Variants in SV2C observed in about 807,000 individuals in gnomAD.
The protein encoded by SV2C is synaptic vesicle glycoprotein 2C, also known as solute carrier family 22 member B3.
Under a neutral mutation model 79.7 loss-of-function variants are expected in SV2C, and 49 were observed. That is an observed-to-expected ratio of 0.61 (90% confidence interval 0.49 to 0.78). The LOEUF (loss-of-function observed/expected upper bound fraction) is 0.78, where lower values mean the gene tolerates loss of function less well. Among genes scored for constraint, SV2C ranks in the 30% least tolerant of loss-of-function variants. The probability of loss-of-function intolerance (pLI) is 0.00; values close to 1 mark genes in which losing one functional copy is unlikely to be tolerated. For missense variants in SV2C, 833 were observed against 912.9 expected (o/e 0.91, Z 1.13); for synonymous variants, 334 against 333.2 (o/e 1.00, Z -0.03).
the SV2C span, among the ~76,000 whole-genome samples, chr5:76,067,378 T>C: frequency 1.3e-5 from 2 of 152,088 alleles, no homozygotes; most frequent in South Asian, 4.1e-4. Context: ...AAAAGTCTCT[T>C]TGTTATTTAG....
chr5:76,243,975 C>T (rs6865677), intron 4 of SV2C, among the ~76,000 whole-genome samples: 48,855 of 152,082 alleles, frequency 0.32, 8,267 homozygotes, highest in Non-Finnish European at 0.37. Flanking sequence ...CCACAGGGAC[C>T]GCCCTCTCTC....
chr5:76,102,015 A>G (rs1252045316), intron 1 of SV2C, among the ~76,000 whole-genome samples: 6 of 152,170 alleles, frequency 3.9e-5, no homozygotes, highest in African/African-American at 1.4e-4. Context: ...ACTTGGAATA[A>G]TATAACAACT....
intron 2 of SV2C, among the ~76,000 whole-genome samples, chr5:76,187,700 G>A (rs1377375098): frequency 1.3e-5 from 2 of 151,408 alleles, no homozygotes; most frequent in African/African-American, 4.9e-5. Flanking sequence ...AAAAAGTGAG[G>A]GATCAGTTTT....
the SV2C span, among the ~76,000 whole-genome samples, chr5:75,916,409 C>T: frequency 2.0e-4 from 28 of 143,462 alleles, no homozygotes; most frequent in East Asian, 1.1e-3. Context: ...TCCTCCTCCT[C>T]CTCCTCCACC....
At chr5:76,154,094 G>A (rs1742651718) in intron 2 of SV2C, among the ~76,000 whole-genome samples, 1 of 152,110 alleles carries the variant, frequency 6.6e-6, no homozygotes, top group African/African-American at 2.4e-5. Flanking sequence ...TGTCAGGATT[G>A]GTGACAATGT....
chr5:76,301,872 G>GCACTC (rs1157580886), intron 12 of SV2C, among the ~76,000 whole-genome samples: 2 of 125,214 alleles, frequency 1.6e-5, no homozygotes, highest in African/African-American at 6.2e-5. Flanking sequence ...TCACACCACT[G>GCACTC]CACTCCAGCC....
chr5:76,165,116 CTGTG>C (rs576831855), intron 2 of SV2C, among the ~76,000 whole-genome samples: 2 of 150,314 alleles, frequency 1.3e-5, no homozygotes, highest in African/African-American at 4.9e-5. Context: ...CAAGTCTTGA[CTGTG>C]TGTGTGTGTC....
At chr5:76,307,001 T>G (rs1312370141) in intron 12 of SV2C, among the ~76,000 whole-genome samples, 1 of 152,168 alleles carries the variant, frequency 6.6e-6, no homozygotes, top group Non-Finnish European at 1.5e-5. Context: ...TCTACAGTCT[T>G]AAGTATTTTT....
chr5:75,902,334 T>C, the SV2C span, among the ~76,000 whole-genome samples: 1 of 152,158 alleles, frequency 6.6e-6, no homozygotes, highest in South Asian at 2.1e-4. Context: ...TAGGAAATCT[T>C]ATGTCCCTGT....
the SV2C span, among the ~76,000 whole-genome samples, chr5:75,906,691 G>A: frequency 6.6e-6 from 1 of 152,114 alleles, no homozygotes; most frequent in Admixed American, 6.6e-5. Flanking sequence ...AACTTCTCTT[G>A]TTGCAGATGG....
At chr5:75,866,267 TAGTC>T in the SV2C span, among the ~76,000 whole-genome samples, 1 of 148,886 alleles carries the variant, frequency 6.7e-6, no homozygotes, top group Admixed American at 6.6e-5. Flanking sequence ...GCTAAACAGG[TAGTC>T]AGTATTATGT....
At chr5:75,952,787 C>A in the SV2C span, among the ~76,000 whole-genome samples, 5 of 151,918 alleles carry the variant, frequency 3.3e-5, no homozygotes, top group Non-Finnish European at 5.9e-5. Context: ...TAAATGTTTT[C>A]TTTATAATTA....
At chr5:76,351,584 T>C (rs1169537033) in intron 12 of SV2C, among the ~76,000 whole-genome samples, 1 of 152,006 alleles carries the variant, frequency 6.6e-6, no homozygotes, top group Non-Finnish European at 1.5e-5. Context: ...TCTAGAAAGG[T>C]ATGGGAACTG....
intron 1 of SV2C, among the ~76,000 whole-genome samples, chr5:76,111,151 G>T (rs372702573): frequency 6.6e-6 from 1 of 152,178 alleles, no homozygotes; most frequent in Non-Finnish European, 1.5e-5. Flanking sequence ...TCTGTGTTAT[G>T]CACCAGGTGA....
the SV2C span, among the ~76,000 whole-genome samples, chr5:75,868,288 T>C: frequency 1.5e-3 from 228 of 152,310 alleles, 1 homozygote; most frequent in African/African-American, 5.0e-3. Context: ...ATAACACCCA[T>C]GTATACAAAA....
the SV2C span, among the ~76,000 whole-genome samples, chr5:76,009,633 T>C: frequency 1.5e-4 from 23 of 152,174 alleles, no homozygotes; most frequent in Non-Finnish European, 3.1e-4. Context: ...GGAGGCCATT[T>C]CCTAAGCAAA....
rs1240927162 is a variant in SV2C at position 76,257,712 on chromosome 5, GT to G, written c.914-27449del. Among the ~76,000 whole-genome samples the G allele has an allele frequency of 4.6e-5, 7 of 151,424 alleles. No individual in the cohort carries two copies. In the East Asian group the frequency reaches 1.2e-3, roughly 25 times the overall value. ...GGTATGTATAGGTGTGTAGGTAGGT[GT>G]ATGTGTGTGTATGAGTGTGTAGTGT... is the stretch of plus-strand genomic sequence containing the variant. On this transcript the variant is annotated intron_variant, in intron 4 of 12. Coordinates refer to ENST00000502798, the MANE Select transcript of SV2C (RefSeq NM_014979.4).
chr5:76,078,762 C>G (rs147953956), upstream of SV2C: 9 of 578,032 alleles, frequency 1.6e-5, no homozygotes, highest in South Asian at 5.8e-5. Context: ...TTTCCAGGAG[C>G]AGGGGATGGC....
At chr5:75,910,723 G>A in the SV2C span, 1 of 1,369,936 alleles carries the variant, frequency 7.3e-7, no homozygotes, top group South Asian at 1.2e-5. Flanking sequence ...CCCAGACTAT[G>A]TTTGAAGATC....
Sources: allele counts gnomAD v4.1 joint callset (sites outside exome capture counted in the v4.1 genomes callset), GRCh38; gene constraint gnomAD v4.1.1; transcripts MANE v1.5; gene names NCBI Gene and HGNC (gene_info 2026-07-23, HGNC 2026-07-21).